MYO10: variants seen among roughly 807,000 people sequenced by gnomAD.
MYO10 encodes unconventional myosin-X.
Under a neutral mutation model 257.3 loss-of-function variants are expected in MYO10, and 133 were observed. The ratio of observed to expected loss-of-function variants is 0.52; its 90% CI spans 0.45 to 0.60. The LOEUF is 0.60. Among genes scored for constraint, MYO10 ranks in the 20% least tolerant of loss-of-function variants. MYO10 has a pLI of 0.00. For synonymous variants in MYO10, 1,104 were observed against 1,028.6 expected (o/e 1.07, Z -1.40); for missense variants, 2,399 against 2,635.7 (o/e 0.91, Z 1.97).
chr5:16,666,398 A>T lies in MYO10; in HGVS notation c.*294T>A. The T allele has an allele frequency of 2.9e-6, 1 of 343,590 alleles. No homozygotes were observed. Among genetic ancestry groups the T allele is most frequent in the South Asian group, 7.7e-5 (1 of 13,028 alleles). 21.3% of individuals were successfully genotyped at this position (343,590 alleles called of 1,614,324 possible). ...TAGTGTTGGTTCCACAAGTTAAGGCACTTCCGGCTGCTTTGGTGGCAGCGT... is the reference window on the plus strand; with the variant it reads ...TAGTGTTGGTTCCACAAGTTAAGGCTCTTCCGGCTGCTTTGGTGGCAGCGT... On this transcript the variant is annotated 3_prime_UTR_variant, in exon 41 of 41. Coordinates refer to ENST00000513610, the MANE Select transcript of MYO10 (RefSeq NM_012334.3).
At chr5:16,707,761 C>T (rs910413557) in intron 21 of MYO10, among the ~76,000 whole-genome samples, 32 of 152,202 alleles carry the variant, frequency 2.1e-4, no homozygotes, top group African/African-American at 6.3e-4. Context: ...CTCCTCCCCA[C>T]GGGCTGTGCC....
At chr5:16,814,979 T>C (rs1580021013) in intron 3 of MYO10, 1 of 75,516 alleles carries the variant, frequency 1.3e-5, no homozygotes, top group South Asian at 4.0e-4. Context: ...CCTTGTGTAG[T>C]TTTTTTTTCC....
intron 3 of MYO10, among the ~76,000 whole-genome samples, chr5:16,804,624 G>A (rs567593606): frequency 2.0e-5 from 3 of 152,332 alleles, no homozygotes; most frequent in Admixed American, 2.0e-4. Context: ...TGTAATCCCA[G>A]CACTTTGGGA....
chr5:16,687,782 T>C (rs1302006347), intron 28 of MYO10, among the ~76,000 whole-genome samples: 2 of 152,122 alleles, frequency 1.3e-5, no homozygotes, highest in African/African-American at 4.8e-5. Context: ...CCATTCTGGT[T>C]AACCAAACAG....
chr5:16,848,246 C>A (rs1743699617), intron 2 of MYO10, among the ~76,000 whole-genome samples: 1 of 147,748 alleles, frequency 6.8e-6, no homozygotes, highest in South Asian at 2.1e-4. Context: ...GCAACCTCCA[C>A]CTCCTGGGTT....
At chr5:16,935,685 G>A in intron 1 of MYO10, 103 bp downstream of exon 1, 2 of 1,396,984 alleles carry the variant, frequency 1.4e-6, no homozygotes, top group Admixed American at 3.6e-5. Context: ...AGAAAGTTGC[G>A]CCTTCCAGGG....
Position 16,746,724 on chromosome 5 carries a change from T to C in MYO10, c.1929+8104A>G, listed in dbSNP as rs145986120. ...TGAATGACCTCCATTTCATACTTTC[T>C]GCAAAGCAACGAGCAAGAGCTAAGC... On this transcript the variant is annotated intron_variant, in intron 19 of 40. Transcript: ENST00000513610. Among the ~76,000 whole-genome samples the C allele has an allele frequency of 4.5e-3, 691 of 152,340 alleles. 7 individuals are homozygous for C. Among genetic ancestry groups the C allele is most frequent in the African/African-American group, 0.016 (669 of 41,590 alleles).
intron 19 of MYO10, among the ~76,000 whole-genome samples, chr5:16,720,020 GTGTA>G (rs57904154): frequency 0.019 from 2,651 of 143,184 alleles, 74 homozygotes; most frequent in African/African-American, 0.072. Flanking sequence ...GTGTGTGTGT[GTGTA>G]TATGTATGTA....
At chr5:16,780,804 G>A (rs1741399909) in intron 6 of MYO10, 63 bp from the exon 7 acceptor site, 7 of 1,467,484 alleles carry the variant, frequency 4.8e-6, no homozygotes, top group Non-Finnish European at 6.5e-6. Context: ...TGCTCAACTA[G>A]TCTTTCATTT....
chr5:16,738,652 G>A (rs1460500663), intron 19 of MYO10, among the ~76,000 whole-genome samples: 4 of 152,132 alleles, frequency 2.6e-5, no homozygotes, highest in East Asian at 3.9e-4. Context: ...CAGAACTTTG[G>A]TATGTCAAGG....
intron 17 of MYO10, among the ~76,000 whole-genome samples, chr5:16,761,229 G>T (rs1485828480): frequency 6.6e-6 from 1 of 152,124 alleles, no homozygotes; most frequent in African/African-American, 2.4e-5. Context: ...GACCTCACGT[G>T]ATTTGCCCAC....
intron 9 of MYO10, among the ~76,000 whole-genome samples, chr5:16,778,743 T>G (rs766323508): frequency 3.0e-4 from 42 of 139,976 alleles, no homozygotes; most frequent in African/African-American, 3.9e-4. Flanking sequence ...CAGGCTGGAG[T>G]GCAGTTGCGC....
At chr5:16,674,364 G>A (rs1030199109) in intron 35 of MYO10, among the ~76,000 whole-genome samples, 1 of 152,078 alleles carries the variant, frequency 6.6e-6, no homozygotes, top group Non-Finnish European at 1.5e-5. Context: ...AGCTACTCAG[G>A]AGGCTAAGGC....
intron 26 of MYO10, among the ~76,000 whole-genome samples, chr5:16,697,315 T>G (rs895588784): frequency 6.6e-6 from 1 of 151,188 alleles, no homozygotes; most frequent in Non-Finnish European, 1.5e-5. Context: ...AGAAAAAAAA[T>G]ATTGAAGATA....
At chr5:16,736,128 A>G (rs1739787582) in intron 19 of MYO10, among the ~76,000 whole-genome samples, 1 of 152,358 alleles carries the variant, frequency 6.6e-6, no homozygotes, top group Non-Finnish European at 1.5e-5. Flanking sequence ...GAGTCTTTGA[A>G]TATTCCCAAC....
chr5:16,821,982 C>A (rs200984058), intron 2 of MYO10, among the ~76,000 whole-genome samples: 13 of 144,560 alleles, frequency 9.0e-5, no homozygotes, highest in South Asian at 2.2e-4. Context: ...ATGTGTATTT[C>A]AAAAAAAAAA....
chr5:16,912,097 T>G (rs1745674814), intron 1 of MYO10, among the ~76,000 whole-genome samples: 1 of 152,078 alleles, frequency 6.6e-6, no homozygotes, highest in African/African-American at 2.4e-5. Flanking sequence ...GTCGTCTTAT[T>G]GTTAGTGTTA....
chr5:16,905,590 G>A (rs146661381), intron 1 of MYO10, among the ~76,000 whole-genome samples: 166 of 152,200 alleles, frequency 1.1e-3, no homozygotes, highest in Admixed American at 6.2e-3. Context: ...TCCACTGACC[G>A]ATGAGTGCTG....
At chr5:16,935,639 C>T in intron 1 of MYO10, 149 bp downstream of exon 1, 1 of 889,842 alleles carries the variant, frequency 1.1e-6, no homozygotes, top group Non-Finnish European at 1.8e-6. Flanking sequence ...ATCAGAGACT[C>T]CGCGGGGGGA....
Sources: allele counts gnomAD v4.1 joint callset (sites outside exome capture counted in the v4.1 genomes callset), GRCh38; gene constraint gnomAD v4.1.1; transcripts MANE v1.5; gene names NCBI Gene and HGNC (gene_info 2026-07-23, HGNC 2026-07-21).